EFCAB13: variants seen among roughly 807,000 people sequenced by gnomAD.
EFCAB13 encodes EF-hand calcium-binding domain-containing protein 13.
Under a neutral mutation model 110.2 loss-of-function variants are expected in EFCAB13, and 91 were observed. The observed-to-expected ratio is 0.83, with a 90% confidence interval of 0.70 to 0.98. EFCAB13 has a LOEUF of 0.98. EFCAB13 is among the 50% of genes least tolerant of loss of function. EFCAB13 has a pLI of 0.00. For synonymous variants in EFCAB13, 323 were observed against 369.9 expected, an observed-to-expected ratio of 0.87 and a Z score of 1.45; for missense variants, 968 against 1,119.4, an observed-to-expected ratio of 0.86 and a Z score of 1.93.
intron 4 of EFCAB13, among the ~76,000 whole-genome samples, chr17:47,330,087 C>A (rs554108406): frequency 1.3e-5 from 2 of 152,098 alleles, no homozygotes; most frequent in East Asian, 1.9e-4. Context: ...CACCTTTGAT[C>A]GACTGGATGC....
At chr17:47,354,936 G>A (rs1297570770) in intron 9 of EFCAB13, among the ~76,000 whole-genome samples, 1 of 152,022 alleles carries the variant, frequency 6.6e-6, no homozygotes, top group African/African-American at 2.4e-5. Context: ...AATATCTTGT[G>A]TTTTTTTCTT....
chr17:47,438,625 A>C (rs551544558), intron 24 of EFCAB13, among the ~76,000 whole-genome samples: 1 of 151,920 alleles, frequency 6.6e-6, no homozygotes, highest in Non-Finnish European at 1.5e-5. Context: ...CATTTCTAAA[A>C]GCGTGTCCAA....
chr17:47,331,653 A>G (rs1292458866), intron 4 of EFCAB13, among the ~76,000 whole-genome samples: 1 of 152,176 alleles, frequency 6.6e-6, no homozygotes, highest in Non-Finnish European at 1.5e-5. Flanking sequence ...GAACAAATGT[A>G]TTATGACATA....
intron 17 of EFCAB13, 76 bp from the exon 18 acceptor site, chr17:47,402,056 C>A: frequency 8.7e-7 from 1 of 1,151,898 alleles, no homozygotes; most frequent in Non-Finnish European, 1.3e-6. Context: ...AAATGGTTTA[C>A]ATTTTTATAG....
chr17:47,392,844 G>A (rs1004398012), intron 15 of EFCAB13, among the ~76,000 whole-genome samples: 5 of 152,110 alleles, frequency 3.3e-5, no homozygotes, highest in African/African-American at 1.2e-4. Flanking sequence ...TGATAAATTT[G>A]CATACATTAA....
At position 47,335,363 on chromosome 17, in the gene EFCAB13, T is replaced by TA; in HGVS notation, c.191+12dup. The TA allele has an allele frequency of 6.3e-7, 1 of 1,579,192 alleles. No homozygotes were observed. The highest frequency in any genetic ancestry group is 8.6e-7 in the Non-Finnish European group (1 of 1,169,360). On this transcript the variant is annotated splice_region_variant and intron_variant, in intron 5 of 24. Transcript: ENST00000331493. ...GCCCAGAATATAAAAAAATGTAAGT[T>TA]AAAAACTCTGAACTTACTTTATTGA...
intron 14 of EFCAB13, among the ~76,000 whole-genome samples, chr17:47,391,013 C>T (rs970016410): frequency 1.3e-5 from 2 of 152,082 alleles, no homozygotes; most frequent in South Asian, 2.1e-4. Flanking sequence ...TATCATAGCT[C>T]ACCTCAGCCT....
chr17:47,379,161 C>A, intron 13 of EFCAB13, 21 bp from the exon 14 acceptor site: 1 of 1,601,110 alleles, frequency 6.2e-7, no homozygotes, highest in South Asian at 1.1e-5. Context: ...AATGTATAAT[C>A]TAAACTCTTT....
intron 14 of EFCAB13, among the ~76,000 whole-genome samples, chr17:47,385,414 C>G (rs1057399108): frequency 6.6e-6 from 1 of 151,794 alleles, no homozygotes; most frequent in African/African-American, 2.4e-5. Context: ...CTCTGATATC[C>G]TTTCTTCTGC....
At chr17:47,439,037 G>A (rs565492561) in intron 24 of EFCAB13, among the ~76,000 whole-genome samples, 1 of 151,762 alleles carries the variant, frequency 6.6e-6, no homozygotes, top group South Asian at 2.1e-4. Context: ...CTTGTTCTTA[G>A]TATTTCCCTA....
chr17:47,387,467 C>T (rs2065682793), intron 14 of EFCAB13, among the ~76,000 whole-genome samples: 1 of 152,088 alleles, frequency 6.6e-6, no homozygotes, highest in African/African-American at 2.4e-5. Flanking sequence ...TTAATGTTTG[C>T]TTTATATATT....
chr17:47,376,347 G>A (rs541319615), intron 12 of EFCAB13, among the ~76,000 whole-genome samples: 2 of 152,220 alleles, frequency 1.3e-5, no homozygotes, highest in South Asian at 2.1e-4. Flanking sequence ...CTTGGTTAAA[G>A]GAATAATGAA....
intron 9 of EFCAB13, among the ~76,000 whole-genome samples, chr17:47,354,967 C>A (rs1011311719): frequency 6.6e-6 from 1 of 152,018 alleles, no homozygotes; most frequent in African/African-American, 2.4e-5. Context: ...TTTATAGGTC[C>A]TGTGAAATTT....
At chr17:47,400,273 G>C (rs902318334) in intron 17 of EFCAB13, among the ~76,000 whole-genome samples, 6 of 152,136 alleles carry the variant, frequency 3.9e-5, no homozygotes. Flanking sequence ...TTGCAACCTG[G>C]CATCAGCTGT....
intron 23 of EFCAB13, among the ~76,000 whole-genome samples, chr17:47,418,505 T>C (rs985991577): frequency 1.3e-5 from 2 of 152,238 alleles, no homozygotes; most frequent in Non-Finnish European, 2.9e-5. Flanking sequence ...AGGTAGATAA[T>C]TGCAAATATT....
At chr17:47,434,314 C>CAA (rs112967748) in intron 24 of EFCAB13, among the ~76,000 whole-genome samples, 2 of 146,392 alleles carry the variant, frequency 1.4e-5, no homozygotes, top group Non-Finnish European at 3.0e-5. Context: ...ACAACAGCTA[C>CAA]AAAAAAAAAA....
intron 5 of EFCAB13, 68 bp downstream of exon 5, chr17:47,335,424 G>T: frequency 7.4e-7 from 1 of 1,356,244 alleles, no homozygotes. Flanking sequence ...CCAAAATGTA[G>T]CTGTGGCTTA....
In EFCAB13 at chr17:47,361,377, G is replaced by A; in HGVS notation, c.662-1G>A. 3 of 1,610,384 alleles carry A rather than the reference G, an allele frequency of 1.9e-6. No individual in the cohort carries two copies. Among genetic ancestry groups the A allele is most frequent in the Non-Finnish European group, 2.5e-6 (3 of 1,178,378 alleles). ...ATGGTATAATAATTTCTTTTTTGCAGCATTCCAGGATGCCTTGAAGATTTT... is the reference window on the plus strand; with the variant it reads ...ATGGTATAATAATTTCTTTTTTGCAACATTCCAGGATGCCTTGAAGATTTT... On this transcript the variant is annotated splice_acceptor_variant, in intron 9 of 24. Coordinates refer to ENST00000331493, the MANE Select transcript of EFCAB13 (RefSeq NM_152347.5). LOFTEE classifies it high-confidence loss of function.
At chr17:47,412,649 T>C (rs1041619665) in intron 21 of EFCAB13, 124 bp from the exon 22 acceptor site, 2 of 996,748 alleles carry the variant, frequency 2.0e-6, no homozygotes, top group Non-Finnish European at 2.8e-6. Context: ...AAATATTGTG[T>C]TTCCTTTGGA....
Sources: gnomAD v4.1 joint callset for allele counts (sites outside exome capture counted in the v4.1 genomes callset) on GRCh38, gnomAD v4.1.1 for gene constraint, MANE v1.5 for transcripts, NCBI Gene and HGNC (gene_info 2026-07-23, HGNC 2026-07-21) for gene names.